Variants in OVCH1 observed in about 807,000 individuals in gnomAD.
OVCH1 encodes the protein ovochymase-1.
Under a neutral mutation model 138.4 loss-of-function variants are expected in OVCH1, and 139 were observed. That is an observed-to-expected ratio of 1.00 (90% CI 0.87 to 1.16). The LOEUF is 1.16. Ranked by LOEUF, OVCH1 falls within the 50% of genes most tolerant of loss-of-function variation. The pLI, the probability that OVCH1 is intolerant of heterozygous loss-of-function variation, is 0.00. For missense variants in OVCH1, 1,367 were observed against 1,357.9 expected, an observed-to-expected ratio of 1.01 and a Z score of -0.11; for synonymous variants, 453 against 467.8, an observed-to-expected ratio of 0.97 and a Z score of 0.41.
At chr12:29,429,468 T>A (rs1941232743) in intron 27 of OVCH1, among the ~76,000 whole-genome samples, 1 of 152,216 alleles carries the variant, frequency 6.6e-6, no homozygotes, top group Non-Finnish European at 1.5e-5. Flanking sequence ...CCAATGTAGG[T>A]CATGTTTTAC....
At chr12:29,451,177 T>C (rs115781712) in intron 22 of OVCH1, among the ~76,000 whole-genome samples, 168 bp downstream of exon 22, 1,948 of 151,774 alleles carry the variant, frequency 0.013, 40 homozygotes, top group African/African-American at 0.045. Flanking sequence ...ATAATAATAA[T>C]AATAATAATA....
intron 4 of OVCH1, among the ~76,000 whole-genome samples, chr12:29,494,851 C>T (rs1180712946): frequency 6.6e-6 from 1 of 151,950 alleles, no homozygotes; most frequent in Non-Finnish European, 1.5e-5. Context: ...GGTTGATTAA[C>T]GGATACAAAT....
At chr12:29,475,291 T>C in intron 13 of OVCH1, 102 bp from the exon 14 acceptor site, 1 of 975,378 alleles carries the variant, frequency 1.0e-6, no homozygotes, top group Non-Finnish European at 1.4e-6. Context: ...ACTTTAGTTT[T>C]CTCCAACTTT....
At chr12:29,494,572 A>C (rs1023854231) in intron 4 of OVCH1, among the ~76,000 whole-genome samples, 4 of 152,196 alleles carry the variant, frequency 2.6e-5, no homozygotes, top group Admixed American at 6.5e-5. Context: ...TATGGACTTA[A>C]GTTGTTCATC....
Position 29,491,241 on chromosome 12 carries a change from G to A in OVCH1, c.455-49C>T, listed in dbSNP as rs774457361. The A allele has an allele frequency of 2.0e-5, 28 of 1,411,798 alleles. No individual in the cohort carries two copies. In the Admixed American group the frequency reaches 5.0e-4, roughly 25 times the overall value. 87.5% of individuals were successfully genotyped at this position (1,411,798 alleles called of 1,614,324 possible). ...GGTTCATGGATAAATACGCCATGTT[G>A]AATATATTTGGAAAAGTGAAATCTC... is the stretch of plus-strand genomic sequence containing the variant. On this transcript the variant is annotated intron_variant, in intron 4 of 27. Transcript: ENST00000318184.
At position 29,473,122 on chromosome 12, in the gene OVCH1, T is replaced by A. The variant is rs1228166073; in HGVS notation, c.1601-19A>T. 4.0e-6 allele frequency: 6 copies of A among 1,488,326 alleles called. No homozygotes were observed. The highest frequency in any genetic ancestry group is 2.3e-5 in the East Asian group (1 of 42,806). 92.2% of individuals were successfully genotyped at this position (1,488,326 alleles called of 1,614,324 possible). A position where few individuals can be genotyped will look rare whatever the true frequency, so the allele number is the denominator to read the frequency against. Reference sequence around the variant, plus strand: ...AAAGACTCTGTAGAAGAAAAAAAAATTAATTGAAAGTAATTAGAGAAGTTG... The same window carrying A: ...AAAGACTCTGTAGAAGAAAAAAAAAATAATTGAAAGTAATTAGAGAAGTTG... On this transcript the variant is annotated intron_variant, in intron 14 of 27. Transcript: ENST00000318184.
intron 25 of OVCH1, among the ~76,000 whole-genome samples, chr12:29,442,686 A>G (rs1463381565): frequency 6.6e-6 from 1 of 151,964 alleles, no homozygotes; most frequent in East Asian, 1.9e-4. Flanking sequence ...ACACAATTGT[A>G]ATACCAAATT....
intron 24 of OVCH1, 148 bp downstream of exon 24, chr12:29,443,997 A>G: frequency 1.2e-6 from 1 of 809,786 alleles, no homozygotes; most frequent in Non-Finnish European, 1.8e-6. Context: ...TTTCCATATT[A>G]AAAGCCATAG....
At chr12:29,410,957 A>G (rs1940946633), downstream of OVCH1, among the ~76,000 whole-genome samples, 2 of 152,136 alleles carry the variant, frequency 1.3e-5, no homozygotes, top group East Asian at 1.9e-4. Flanking sequence ...CCAATCAGAC[A>G]TAGATTTGGT....
chr12:29,485,581 T>G (rs547470786), intron 8 of OVCH1, among the ~76,000 whole-genome samples: 1 of 152,182 alleles, frequency 6.6e-6, no homozygotes, highest in South Asian at 2.1e-4. Flanking sequence ...GAGACCATCC[T>G]GGCTAACACG....
chr12:29,471,716 A>G, intron 16 of OVCH1, 86 bp downstream of exon 16: 1 of 1,359,422 alleles, frequency 7.4e-7, no homozygotes, highest in Admixed American at 2.9e-5. Context: ...ATTAGTCTGG[A>G]TGATCTTAGT....
rs1264406187 is a variant in OVCH1 at position 29,486,475 on chromosome 12, C to A, written c.893-127G>T. On this transcript the variant is annotated intron_variant, in intron 7 of 27. Coordinates refer to ENST00000318184, the Ensembl canonical transcript of OVCH1. ...CTACTAAAATCAATGCAGAGGGAAT[C>A]TTTTCTCAGAGTCAGTAACCCACTA... 5.5e-6 allele frequency: 4 copies of A among 730,444 alleles called. 1 individual carries two copies. The Admixed American group carries it at 9.1e-5, about 17-fold the overall frequency. 45.2% of individuals were successfully genotyped at this position (730,444 alleles called of 1,614,324 possible).
intron 18 of OVCH1, among the ~76,000 whole-genome samples, chr12:29,462,651 C>A (rs1942178757): frequency 6.6e-6 from 1 of 151,878 alleles, no homozygotes; most frequent in African/African-American, 2.4e-5. Flanking sequence ...CCTTTTGGGG[C>A]AATATTAATA....
At position 29,476,314 on chromosome 12, in the gene OVCH1, A is replaced by G. The variant is rs747518778; in HGVS notation, c.1378-15T>C. On this transcript the variant is annotated splice_polypyrimidine_tract_variant and intron_variant, in intron 12 of 27. Coordinates refer to ENST00000318184, the Ensembl canonical transcript of OVCH1. ...TCAAATGTCAACTGTGCAAATGGAA[A>G]CATAACCAGGGAAATGGTCAAAGAA... 1 of 1,589,032 alleles carries G rather than the reference A, an allele frequency of 6.3e-7. No individual in the cohort carries two copies. Among genetic ancestry groups the G allele is most frequent in the South Asian group, 1.1e-5 (1 of 90,586 alleles).
intron 8 of OVCH1, among the ~76,000 whole-genome samples, chr12:29,480,250 T>A (rs1336810723): frequency 6.6e-6 from 1 of 152,202 alleles, no homozygotes; most frequent in African/African-American, 2.4e-5. Context: ...ACATCCATCA[T>A]CCTTTTTGAG....
rs150657987 is a variant in OVCH1, at chr12:29,489,628, C to T, written c.694G>A (p.Ala232Thr). 1.4e-4 allele frequency: 227 copies of T among 1,605,446 alleles called. No individual in the cohort carries two copies. The African/African-American group carries it at 2.4e-3, about 17-fold the overall frequency. Residue 232 changes from alanine (A) to threonine (T), a missense_variant, in exon 6 of 28, where the codon GCC becomes ACC. Coordinates refer to ENST00000318184, the Ensembl canonical transcript of OVCH1. ...GGTTTACACTTTTGTACCTGGCAGG[C>T]GTCCATTCCCCAATCAGGGAAGCCA...
intron 27 of OVCH1, among the ~76,000 whole-genome samples, chr12:29,431,528 A>T (rs1941267633): frequency 6.6e-6 from 1 of 152,190 alleles, no homozygotes; most frequent in African/African-American, 2.4e-5. Context: ...GTATATGTTT[A>T]AAAAATTGTA....
At chr12:29,482,830 AG>A (rs1211444969) in intron 8 of OVCH1, among the ~76,000 whole-genome samples, 1 of 152,208 alleles carries the variant, frequency 6.6e-6, no homozygotes, top group Admixed American at 6.5e-5. Flanking sequence ...ACTGTGTTTG[AG>A]GGTAAGTAGG....
chr12:29,466,355 T>A (rs1942320983), intron 16 of OVCH1, among the ~76,000 whole-genome samples: 1 of 141,032 alleles, frequency 7.1e-6, no homozygotes, highest in South Asian at 2.3e-4. Flanking sequence ...TAATAAATAA[T>A]AAAAATCTTT....
Sources: allele counts gnomAD v4.1 joint callset (sites outside exome capture counted in the v4.1 genomes callset), GRCh38; gene constraint gnomAD v4.1.1; transcripts MANE v1.5; gene names NCBI Gene and HGNC (gene_info 2026-07-23, HGNC 2026-07-21).